The following RARA variants were observed in gnomAD, a reference collection of about 807,000 sequenced individuals.
RARA encodes PML-DDX5-RARA fusion.
In RARA, 5 loss-of-function variants were observed where a neutral mutation model predicts 42.8. That is an observed-to-expected ratio of 0.12 (90% confidence interval 0.06 to 0.25). RARA has a LOEUF of 0.25. Among genes scored for constraint, RARA ranks in the 10% least tolerant of loss-of-function variants. The pLI, the probability that RARA is intolerant of heterozygous loss-of-function variation, is 1.00. For missense variants in RARA, 402 were observed against 628.7 expected (o/e 0.64, Z 3.86); for synonymous variants, 256 against 259.5 (o/e 0.99, Z 0.13).
intron 2 of RARA, among the ~76,000 whole-genome samples, chr17:40,347,249 T>A (rs2034296326): frequency 6.6e-6 from 1 of 152,172 alleles, no homozygotes; most frequent in Non-Finnish European, 1.5e-5. Flanking sequence ...TCCTCATCCA[T>A]CCTTGGCCCT....
intron 3 of RARA, 99 bp downstream of exon 3, chr17:40,348,563 AG>A (rs1218386073): frequency 3.8e-5 from 54 of 1,411,008 alleles, no homozygotes; most frequent in Non-Finnish European, 5.1e-5. Context: ...GTGTCCCTGA[AG>A]TTGCTGCTCT....
chr17:40,313,599 C>G (rs1265572013), intron 1 of RARA, among the ~76,000 whole-genome samples: 1 of 152,112 alleles, frequency 6.6e-6, no homozygotes, highest in Non-Finnish European at 1.5e-5. Context: ...TGTCTCCCAC[C>G]TTCTTCCTTC....
rs376581605 is a variant in RARA, at chr17:40,357,334, G to A, written c.*1108G>A. The A allele has an allele frequency of 8.6e-4, 201 of 234,144 alleles. No homozygotes were observed. The highest frequency in any genetic ancestry group is 1.4e-3 in the Non-Finnish European group (170 of 119,178). The allele number at this position is 234,144 out of a possible 1,614,324, so 14.5% of individuals were successfully genotyped here. A position where few individuals can be genotyped will look rare whatever the true frequency, so the allele number is the denominator to read the frequency against. The stretch of plus-strand genomic sequence containing the variant: ...CCAGACACCACACACATGCGCGTGC[G>A]CACACACACAAACACACACACACTG... On this transcript the variant is annotated 3_prime_UTR_variant, in exon 9 of 9. Coordinates refer to ENST00000254066, the MANE Select transcript of RARA (RefSeq NM_000964.4).
chr17:40,332,728 G>A (rs1598553078), intron 2 of RARA, among the ~76,000 whole-genome samples: 1 of 152,356 alleles, frequency 6.6e-6, no homozygotes, highest in Admixed American at 6.5e-5. Context: ...CCTGGGGCCA[G>A]GGGGCAGGCA....
In RARA at chr17:40,351,624, G is replaced by A. The variant is rs545263205; in HGVS notation, c.470-286G>A. Reference sequence around the variant, plus strand: ...GCCTGGAGTGTGAGCTGGAGTAGACGCGTGGGGGATAGCATGCGGCTGGCT... The same window carrying A: ...GCCTGGAGTGTGAGCTGGAGTAGACACGTGGGGGATAGCATGCGGCTGGCT... On this transcript the variant is annotated intron_variant, in intron 4 of 8. Coordinates refer to ENST00000254066, the MANE Select transcript of RARA (RefSeq NM_000964.4). The surrounding 1 kb of genome is among the most constrained non-coding windows in gnomAD (Gnocchi z 4.1). The A allele has an allele frequency of 8.4e-5, 43 of 510,512 alleles. No homozygotes were observed. The highest frequency in any genetic ancestry group is 6.5e-4 in the East Asian group (17 of 26,140). 31.6% of individuals were successfully genotyped at this position (510,512 alleles called of 1,614,324 possible).
At chr17:40,347,741 C>T (rs971351478) in intron 2 of RARA, among the ~76,000 whole-genome samples, 1 of 151,142 alleles carries the variant, frequency 6.6e-6, no homozygotes, top group African/African-American at 2.4e-5. Flanking sequence ...ATTTGTGACT[C>T]TTCTTTGCAC....
intron 2 of RARA, chr17:40,348,039 C>T (rs978476345): frequency 1.2e-5 from 4 of 332,972 alleles, no homozygotes; most frequent in African/African-American, 4.3e-5. Context: ...AGCACAGTCA[C>T]GGCACACATA....
At chr17:40,337,904 G>A (rs1053216588) in intron 2 of RARA, among the ~76,000 whole-genome samples, 1 of 152,096 alleles carries the variant, frequency 6.6e-6, no homozygotes, top group Non-Finnish European at 1.5e-5. Context: ...CAGCCCAGGC[G>A]GAGGGACAGC....
chr17:40,338,766 TTGGGAGGCCGAGG>T (rs2033935690), intron 2 of RARA, among the ~76,000 whole-genome samples: 1 of 150,708 alleles, frequency 6.6e-6, no homozygotes, highest in African/African-American at 2.4e-5. Flanking sequence ...TCCCAGCACT[TTGGGAGGCCGAGG>T]TGGGAGGATT....
chr17:40,311,274 G>A (rs1285003547), intron 1 of RARA, among the ~76,000 whole-genome samples: 1 of 152,054 alleles, frequency 6.6e-6, no homozygotes, highest in Non-Finnish European at 1.5e-5. Flanking sequence ...CACTGCCCCG[G>A]CCTCCCAAGC....
intron 1 of RARA, among the ~76,000 whole-genome samples, chr17:40,325,425 G>A (rs957903465): frequency 1.3e-5 from 2 of 152,078 alleles, no homozygotes; most frequent in Admixed American, 1.3e-4. Flanking sequence ...GGCCAGAGGG[G>A]ACCCTTGAAA....
intron 1 of RARA, among the ~76,000 whole-genome samples, chr17:40,325,321 T>C (rs1013659510): frequency 2.0e-5 from 3 of 152,038 alleles, no homozygotes; most frequent in Non-Finnish European, 2.9e-5. Flanking sequence ...CTAACCTGGC[T>C]TCCTGCAGCC....
chr17:40,326,917 A>G lies in RARA; in HGVS notation c.-362-3940A>G, dbSNP rs1405590875. 6.6e-6 allele frequency among the ~76,000 whole-genome samples: 1 copy of G among 152,114 alleles called. No individual in the cohort carries two copies. The highest frequency in any genetic ancestry group is 2.4e-5 in the African/African-American group (1 of 41,412). On this transcript the variant is annotated intron_variant, in intron 1 of 8. Coordinates refer to ENST00000254066, the MANE Select transcript of RARA (RefSeq NM_000964.4). This position sits in a 1 kb window ranked among gnomAD's most constrained non-coding sequence, Gnocchi z 5.2. ...ACCCTGGTCATCCCTACCCTTGCCCATCCCTGTTCTCTGGTCTTTCTGGCC... is the reference window on the plus strand; with the variant it reads ...ACCCTGGTCATCCCTACCCTTGCCCGTCCCTGTTCTCTGGTCTTTCTGGCC...
intron 2 of RARA, among the ~76,000 whole-genome samples, chr17:40,347,304 G>T (rs999341061): frequency 2.0e-5 from 3 of 152,210 alleles, no homozygotes; most frequent in Non-Finnish European, 4.4e-5. Context: ...GGACGATGCT[G>T]CGTGGCCCCT....
Position 40,356,340 on chromosome 17 carries a change from C to A in RARA, c.*114C>A, listed in dbSNP as rs944978084. On this transcript the variant is annotated 3_prime_UTR_variant, in exon 9 of 9. Coordinates refer to ENST00000254066, the MANE Select transcript of RARA (RefSeq NM_000964.4). ...CCCCCACCTGCCCTCCCGGGCAGTACTGGGGACCTTCCCTGGGGGACGGGG... is the reference window on the plus strand; with the variant it reads ...CCCCCACCTGCCCTCCCGGGCAGTAATGGGGACCTTCCCTGGGGGACGGGG... 6 of 1,181,310 alleles carry A rather than the reference C, an allele frequency of 5.1e-6. No individual in the cohort carries two copies. The highest frequency in any genetic ancestry group is 7.3e-6 in the Non-Finnish European group (6 of 820,720). The allele number at this position is 1,181,310 out of a possible 1,614,324, so 73.2% of individuals were successfully genotyped here.
chr17:40,316,579 GA>G (rs1331999549), intron 1 of RARA, among the ~76,000 whole-genome samples: 1 of 152,224 alleles, frequency 6.6e-6, no homozygotes, highest in Non-Finnish European at 1.5e-5. Flanking sequence ...AGACAGGTAG[GA>G]TCTAGGTTGG....
At position 40,351,773 on chromosome 17, in the gene RARA, C is replaced by G. The variant is rs191374472; in HGVS notation, c.470-137C>G. ...AGTGCGTGGCAATGCCTTGCCTGCCCGTGAACGCGTGCTGTGTGCGCGTGC... is the reference window on the plus strand; with the variant it reads ...AGTGCGTGGCAATGCCTTGCCTGCCGGTGAACGCGTGCTGTGTGCGCGTGC... On this transcript the variant is annotated intron_variant, in intron 4 of 8. Transcript: ENST00000254066. The surrounding 1 kb of genome is among the most constrained non-coding windows in gnomAD (Gnocchi z 4.1). The G allele has an allele frequency of 8.5e-7, 1 of 1,175,568 alleles. No individual in the cohort carries two copies. The highest frequency in any genetic ancestry group is 1.2e-6 in the Non-Finnish European group (1 of 846,998). 72.8% of individuals were successfully genotyped at this position (1,175,568 alleles called of 1,614,324 possible).
At position 40,355,640 on chromosome 17, in the gene RARA, G is replaced by C. The variant is rs1381726657; in HGVS notation, c.1171+219G>C. On this transcript the variant is annotated intron_variant, in intron 8 of 8. Coordinates refer to ENST00000254066, the MANE Select transcript of RARA (RefSeq NM_000964.4). The surrounding 1 kb of genome is among the most constrained non-coding windows in gnomAD (Gnocchi z 4.1). Reference sequence around the variant, plus strand: ...CGTGGCTCTGGAACCAGACACGTGGGTGTGTGTCCTTGTGTGGGTCACTCA... The same window carrying C: ...CGTGGCTCTGGAACCAGACACGTGGCTGTGTGTCCTTGTGTGGGTCACTCA... Among the ~76,000 whole-genome samples, 1 of 152,240 alleles carries C rather than the reference G, an allele frequency of 6.6e-6. No individual in the cohort carries two copies. Among genetic ancestry groups the C allele is most frequent in the Non-Finnish European group, 1.5e-5 (1 of 68,038 alleles).
chr17:40,328,809 G>A (rs1434323127), intron 1 of RARA, among the ~76,000 whole-genome samples: 1 of 151,990 alleles, frequency 6.6e-6, no homozygotes, highest in South Asian at 2.1e-4. Context: ...TTATTTATTC[G>A]TCAGTTGATG....
Sources: allele counts gnomAD v4.1 joint callset (sites outside exome capture counted in the v4.1 genomes callset), GRCh38; gene constraint gnomAD v4.1.1; non-coding constraint Gnocchi (gnomAD v3.1); transcripts MANE v1.5; gene names NCBI Gene and HGNC (gene_info 2026-07-23, HGNC 2026-07-21).